The following UVRAG variants were observed in gnomAD, a reference collection of about 807,000 sequenced individuals.
UVRAG encodes UV radiation resistance associated, also known as UV radiation resistance-associated gene protein.
A neutral mutation model predicts 78.0 loss-of-function variants in UVRAG; 19 were observed. The ratio of observed to expected loss-of-function variants is 0.24; its 90% confidence interval spans 0.17 to 0.36. The LOEUF is 0.36. Among genes scored for constraint, UVRAG ranks in the 10% least tolerant of loss-of-function variants. UVRAG has a pLI of 1.00. For missense variants in UVRAG, 740 were observed against 853.8 expected (o/e 0.87, Z 1.66); for synonymous variants, 323 against 324.6 (o/e 1.00, Z 0.05).
chr11:75,988,852 GT>G (rs1353089039), intron 8 of UVRAG, among the ~76,000 whole-genome samples: 3 of 152,032 alleles, frequency 2.0e-5, no homozygotes, highest in Non-Finnish European at 1.5e-5. Flanking sequence ...TCTGTTACCT[GT>G]TTCTTTCCTC....
chr11:75,820,377 C>T (rs575116210), intron 1 of UVRAG, among the ~76,000 whole-genome samples: 154 of 141,414 alleles, frequency 1.1e-3, no homozygotes, highest in Non-Finnish European at 2.0e-3. Context: ...TTTTTTGAGA[C>T]GGAGTCTCAC....
rs147228862 is a variant in UVRAG, at chr11:76,123,018, G to A, written c.1397+7003G>A. 3.1e-3 allele frequency among the ~76,000 whole-genome samples: 466 copies of A among 152,310 alleles called. 4 individuals carry two copies. The highest frequency in any genetic ancestry group is 4.1e-3 in the Admixed American group (62 of 15,304). On this transcript the variant is annotated intron_variant, in intron 14 of 14. Transcript: ENST00000356136. ...GTGCCAAGCGCCTTGCCAAGATCAC[G>A]TGATACTAAATGATGGAACTGGGAC...
rs1591120502 is a variant in UVRAG, at chr11:76,003,923, C to T, written c.827-82C>T. 2.4e-6 allele frequency: 3 copies of T among 1,248,790 alleles called. No homozygotes were observed. In the East Asian group the frequency reaches 7.1e-5, roughly 29 times the overall value. The allele number at this position is 1,248,790 out of a possible 1,614,324, so 77.4% of individuals were successfully genotyped here. A position where few individuals can be genotyped will look rare whatever the true frequency, so the allele number is the denominator to read the frequency against. ...ACTCTTTTTATTTCCCTCTCACAGT[C>T]AGGGATTTGGCTTGGCCTCTTTGGT... is the stretch of plus-strand genomic sequence containing the variant. On this transcript the variant is annotated intron_variant, in intron 8 of 14. Transcript: ENST00000356136.
chr11:75,817,957 G>A (rs1265246402), intron 1 of UVRAG, among the ~76,000 whole-genome samples: 1 of 151,830 alleles, frequency 6.6e-6, no homozygotes, highest in Non-Finnish European at 1.5e-5. Context: ...CTACTTGGGA[G>A]GCTGAGGCAA....
At chr11:75,892,765 G>A (rs1425478909) in intron 5 of UVRAG, among the ~76,000 whole-genome samples, 1 of 152,100 alleles carries the variant, frequency 6.6e-6, no homozygotes, top group Non-Finnish European at 1.5e-5. Context: ...AAAAAACCTT[G>A]TCTTTTTTAA....
intron 5 of UVRAG, among the ~76,000 whole-genome samples, chr11:75,907,647 G>A (rs946545942): frequency 2.6e-5 from 4 of 151,816 alleles, no homozygotes; most frequent in South Asian, 2.1e-4. Context: ...CTGAGTAGCC[G>A]GGACTGCAGG....
At chr11:76,079,644 C>A (rs1462902155) in intron 13 of UVRAG, among the ~76,000 whole-genome samples, 1 of 152,116 alleles carries the variant, frequency 6.6e-6, no homozygotes, top group Admixed American at 6.6e-5. Flanking sequence ...ATAATACTAT[C>A]TTACATTTAT....
At chr11:76,007,660 A>C in intron 10 of UVRAG, 39 bp downstream of exon 10, 2 of 1,510,978 alleles carry the variant, frequency 1.3e-6, no homozygotes, top group South Asian at 2.3e-5. Flanking sequence ...TTCGTTTTGA[A>C]AAGATGATTT....
intron 1 of UVRAG, among the ~76,000 whole-genome samples, chr11:75,822,699 G>T (rs1945422805): frequency 6.6e-6 from 1 of 150,674 alleles, no homozygotes. Flanking sequence ...ATATTACACA[G>T]GATACAGACG....
chr11:76,081,293 C>T (rs533738357), intron 13 of UVRAG, among the ~76,000 whole-genome samples: 3 of 152,210 alleles, frequency 2.0e-5, no homozygotes, highest in Middle Eastern at 3.4e-3. Context: ...GCAACCTCCA[C>T]CTCCTGGGTT....
At chr11:75,995,714 A>C (rs1475416233) in intron 8 of UVRAG, among the ~76,000 whole-genome samples, 1 of 152,084 alleles carries the variant, frequency 6.6e-6, no homozygotes. Context: ...AGTCTTGCAT[A>C]ACAATTTTTT....
At chr11:75,969,731 A>G (rs945326321) in intron 7 of UVRAG, among the ~76,000 whole-genome samples, 1 of 152,136 alleles carries the variant, frequency 6.6e-6, no homozygotes, top group African/African-American at 2.4e-5. Context: ...TGTGTCAGGG[A>G]TGAGTAAGAA....
At chr11:76,037,456 A>T (rs956504232) in intron 12 of UVRAG, among the ~76,000 whole-genome samples, 6 of 150,204 alleles carry the variant, frequency 4.0e-5, no homozygotes, top group Non-Finnish European at 7.4e-5. Flanking sequence ...TAATCCCAGC[A>T]CTTTGGGAGG....
At chr11:76,031,627 G>A (rs1394481157) in intron 12 of UVRAG, among the ~76,000 whole-genome samples, 1 of 152,194 alleles carries the variant, frequency 6.6e-6, no homozygotes, top group Non-Finnish European at 1.5e-5. Flanking sequence ...AAAACCAGAT[G>A]ACTCTGACAT....
At chr11:76,023,403 C>G (rs1029869443) in intron 12 of UVRAG, among the ~76,000 whole-genome samples, 3 of 152,102 alleles carry the variant, frequency 2.0e-5, no homozygotes, top group African/African-American at 7.2e-5. Flanking sequence ...AGCTTTTCTT[C>G]CCAGGCTTTA....
chr11:76,098,502 T>C (rs1407796807), intron 13 of UVRAG, among the ~76,000 whole-genome samples: 5 of 152,178 alleles, frequency 3.3e-5, no homozygotes, highest in Admixed American at 3.3e-4. Flanking sequence ...TATTTTAAAA[T>C]GGCTTTTTAT....
At chr11:75,936,128 T>C (rs1948369360) in intron 6 of UVRAG, among the ~76,000 whole-genome samples, 1 of 152,224 alleles carries the variant, frequency 6.6e-6, no homozygotes, top group South Asian at 2.1e-4. Context: ...GGAAGCAATA[T>C]TGTATTGTTT....
intron 8 of UVRAG, among the ~76,000 whole-genome samples, chr11:75,996,622 G>A (rs1184854121): frequency 1.3e-5 from 2 of 152,160 alleles, no homozygotes; most frequent in African/African-American, 4.8e-5. Flanking sequence ...GAGGCATGGA[G>A]GTAGCTTAGG....
intron 6 of UVRAG, among the ~76,000 whole-genome samples, chr11:75,925,736 C>T (rs2135084639): frequency 6.6e-6 from 1 of 152,284 alleles, no homozygotes; most frequent in Admixed American, 6.5e-5. Context: ...CACTTAAATA[C>T]ATTAATGCTA....
Sources: allele counts gnomAD v4.1 joint callset (sites outside exome capture counted in the v4.1 genomes callset), GRCh38; gene constraint gnomAD v4.1.1; transcripts MANE v1.5; gene names NCBI Gene and HGNC (gene_info 2026-07-23, HGNC 2026-07-21).